The following LRRC4C variants were observed in gnomAD, a reference collection of about 807,000 sequenced individuals.
LRRC4C encodes the protein leucine-rich repeat-containing protein 4C.
A neutral mutation model predicts 33.6 loss-of-function variants in LRRC4C; 5 were observed. That is an observed-to-expected ratio of 0.15 (90% CI 0.08 to 0.31). LRRC4C has a LOEUF of 0.31. LRRC4C is among the 10% of genes least tolerant of loss of function. The pLI is 1.00. For missense variants in LRRC4C, 560 were observed against 796.7 expected (o/e 0.70, Z 3.58); for synonymous variants, 329 against 302.0 (o/e 1.09, Z -0.93).
chr11:41,124,147 C>T (rs1942619885), intron 1 of LRRC4C, among the ~76,000 whole-genome samples: 1 of 152,128 alleles, frequency 6.6e-6, no homozygotes, highest in Non-Finnish European at 1.5e-5. Context: ...TGGTAAGTTA[C>T]AATTCTTTAC....
intron 3 of LRRC4C, among the ~76,000 whole-genome samples, chr11:40,436,519 T>A (rs1951146181): frequency 6.6e-6 from 1 of 152,146 alleles, no homozygotes; most frequent in South Asian, 2.1e-4. Context: ...CAAGGGTTAG[T>A]TGAACAGAAT....
intron 1 of LRRC4C, among the ~76,000 whole-genome samples, chr11:41,068,031 A>G (rs1028476887): frequency 6.6e-6 from 1 of 152,198 alleles, no homozygotes; most frequent in Non-Finnish European, 1.5e-5. Context: ...TCCAAAAGCT[A>G]GCAGAAAATG....
intron 2 of LRRC4C, among the ~76,000 whole-genome samples, chr11:40,861,314 C>A (rs1426975225): frequency 6.6e-6 from 1 of 152,034 alleles, no homozygotes; most frequent in Non-Finnish European, 1.5e-5. Flanking sequence ...TCCAAGGAGA[C>A]CTGGGAAACC....
chr11:40,864,040 A>C (rs555077125), intron 2 of LRRC4C, among the ~76,000 whole-genome samples: 1 of 152,078 alleles, frequency 6.6e-6, no homozygotes, highest in South Asian at 2.1e-4. Context: ...TGCATGTGAT[A>C]AACATTTACT....
intron 1 of LRRC4C, among the ~76,000 whole-genome samples, chr11:41,441,544 C>G (rs1955619431): frequency 6.7e-6 from 1 of 149,784 alleles, no homozygotes; most frequent in Non-Finnish European, 1.5e-5. Flanking sequence ...AGTAGAGATA[C>G]CCAAATTGAC....
chr11:41,017,814 CAT>C (rs990988636), intron 1 of LRRC4C, among the ~76,000 whole-genome samples: 11 of 150,380 alleles, frequency 7.3e-5, no homozygotes, highest in Non-Finnish European at 1.3e-4. Flanking sequence ...ATATATAAAA[CAT>C]ATGGCAAAAT....
intron 2 of LRRC4C, among the ~76,000 whole-genome samples, chr11:40,794,833 C>T (rs1227242129): frequency 6.6e-6 from 1 of 151,248 alleles, no homozygotes; most frequent in Non-Finnish European, 1.5e-5. Flanking sequence ...AGTATCAACA[C>T]TTCTGTAAGT....
chr11:40,932,786 G>A (rs892592680), intron 2 of LRRC4C, among the ~76,000 whole-genome samples: 1 of 152,112 alleles, frequency 6.6e-6, no homozygotes, highest in Non-Finnish European at 1.5e-5. Flanking sequence ...TGAGCCCATG[G>A]AGAATAGAGA....
chr11:41,016,946 G>A (rs566418984), intron 1 of LRRC4C, among the ~76,000 whole-genome samples: 62 of 152,230 alleles, frequency 4.1e-4, no homozygotes, highest in Non-Finnish European at 8.4e-4. Context: ...TTTCAGAAAT[G>A]CCAAACTCAT....
At chr11:40,348,044 C>T (rs764799294) in intron 3 of LRRC4C, among the ~76,000 whole-genome samples, 10 of 152,210 alleles carry the variant, frequency 6.6e-5, no homozygotes, top group East Asian at 1.9e-4. Context: ...ACACACGCAA[C>T]GTTTCTGGAT....
chr11:40,797,264 A>G (rs1950872011), intron 2 of LRRC4C, among the ~76,000 whole-genome samples: 1 of 152,066 alleles, frequency 6.6e-6, no homozygotes, highest in South Asian at 2.1e-4. Flanking sequence ...AGAAATGGAG[A>G]GTATGGGGTG....
intron 1 of LRRC4C, among the ~76,000 whole-genome samples, chr11:41,434,418 A>G (rs1340823507): frequency 1.3e-5 from 2 of 152,082 alleles, no homozygotes; most frequent in African/African-American, 4.8e-5. Flanking sequence ...TCAGACTTTG[A>G]TGATGTATGG....
At chr11:41,021,904 A>G (rs981324574) in intron 1 of LRRC4C, among the ~76,000 whole-genome samples, 3 of 151,992 alleles carry the variant, frequency 2.0e-5, no homozygotes, top group Non-Finnish European at 4.4e-5. Flanking sequence ...GTAGTTTCAT[A>G]TATTCTCACT....
chr11:41,446,281 G>A (rs369405438), intron 1 of LRRC4C, among the ~76,000 whole-genome samples: 19 of 152,336 alleles, frequency 1.2e-4, no homozygotes, highest in African/African-American at 4.6e-4. Context: ...GCCTGTTCGA[G>A]TTAACTATTC....
At chr11:40,461,815 G>T (rs1799502534) in intron 3 of LRRC4C, among the ~76,000 whole-genome samples, 1 of 151,296 alleles carries the variant, frequency 6.6e-6, no homozygotes, top group Admixed American at 6.6e-5. Flanking sequence ...GTAAATAATG[G>T]ATGGGAAATC....
At chr11:40,214,300 G>C (rs748327648) in intron 5 of LRRC4C, among the ~76,000 whole-genome samples, 4 of 152,092 alleles carry the variant, frequency 2.6e-5, no homozygotes, top group Non-Finnish European at 4.4e-5. Flanking sequence ...CTGGGTTTGG[G>C]GGATTATATA....
At position 41,128,394 on chromosome 11, in the gene LRRC4C, A is replaced by G. The variant is rs75276644; in HGVS notation, c.-495-194671T>C. 4.2e-3 allele frequency among the ~76,000 whole-genome samples: 638 copies of G among 152,268 alleles called. 2 individuals carry two copies. Among genetic ancestry groups the G allele is most frequent in the African/African-American group, 0.014 (597 of 41,574 alleles). The stretch of plus-strand genomic sequence containing the variant: ...AAACTGACTGTTCATTTTTAACCAC[A>G]CAGGACTGTTAGCTATGTGAAAAGA... On this transcript the variant is annotated intron_variant, in intron 1 of 6. Transcript: ENST00000528697.
intron 3 of LRRC4C, among the ~76,000 whole-genome samples, chr11:40,480,138 G>T (rs1026996378): frequency 2.6e-5 from 4 of 152,034 alleles, no homozygotes; most frequent in African/African-American, 9.7e-5. Context: ...AAGCAGAGAG[G>T]TTCTTTCCTT....
At chr11:40,224,822 T>C (rs1185484944) in intron 5 of LRRC4C, among the ~76,000 whole-genome samples, 2 of 152,212 alleles carry the variant, frequency 1.3e-5, no homozygotes, top group African/African-American at 4.8e-5. Context: ...TCCATTTATT[T>C]ACTTTAACTG....
Sources: gnomAD v4.1 joint callset for allele counts (sites outside exome capture counted in the v4.1 genomes callset) on GRCh38, gnomAD v4.1.1 for gene constraint, MANE v1.5 for transcripts, NCBI Gene and HGNC (gene_info 2026-07-23, HGNC 2026-07-21) for gene names.